The following EOGT variants were observed in gnomAD, a reference collection of about 807,000 sequenced individuals.
The protein encoded by EOGT is EGF domain specific O-linked N-acetylglucosamine transferase, also known as EGF domain-specific O-linked N-acetylglucosamine transferase.
A neutral mutation model predicts 70.5 loss-of-function variants in EOGT; 55 were observed. That is an observed-to-expected ratio of 0.78 (90% CI 0.63 to 0.98). EOGT has a LOEUF of 0.98. Ranked by LOEUF, EOGT falls within the 50% of genes least tolerant of loss-of-function variation. The pLI, the probability that EOGT is intolerant of heterozygous loss-of-function variation, is 0.00. For synonymous variants in EOGT, 246 were observed against 217.1 expected (o/e 1.13, Z -1.17); for missense variants, 703 against 641.9 (o/e 1.10, Z -1.03).
chr3:68,982,777 T>C (rs760081727), intron 15 of EOGT, 34 bp downstream of exon 15: 6 of 1,544,358 alleles, frequency 3.9e-6, no homozygotes, highest in South Asian at 2.4e-5. Flanking sequence ...CAAGCAAAAG[T>C]TGACAGTGTC....
At chr3:69,004,792 G>T (rs989146658) in intron 7 of EOGT, among the ~76,000 whole-genome samples, 3 of 151,988 alleles carry the variant, frequency 2.0e-5, no homozygotes, top group Non-Finnish European at 4.4e-5. Flanking sequence ...AGCAAGGCTT[G>T]GTGGCTCACA....
intron 8 of EOGT, among the ~76,000 whole-genome samples, chr3:69,004,074 G>A (rs938188420): frequency 7.2e-5 from 11 of 152,178 alleles, no homozygotes; most frequent in Middle Eastern, 3.2e-3. Flanking sequence ...TTAACATTAT[G>A]TAAGTAACCT....
At chr3:69,004,723 C>T (rs748531357) in intron 7 of EOGT, among the ~76,000 whole-genome samples, 2 of 152,062 alleles carry the variant, frequency 1.3e-5, no homozygotes, top group African/African-American at 4.8e-5. Flanking sequence ...TCCATCCCCC[C>T]ACCCATTCCC....
At chr3:68,992,663 C>A (rs2091028051) in intron 10 of EOGT, among the ~76,000 whole-genome samples, 1 of 152,214 alleles carries the variant, frequency 6.6e-6, no homozygotes, top group African/African-American at 2.4e-5. Flanking sequence ...CTAGGCAGCA[C>A]CCCACTAAGG....
At chr3:68,993,880 G>A (rs1220565539) in intron 10 of EOGT, among the ~76,000 whole-genome samples, 3 of 152,232 alleles carry the variant, frequency 2.0e-5, no homozygotes, top group East Asian at 1.9e-4. Flanking sequence ...CAGATCTCAT[G>A]AGACTTACTC....
intron 16 of EOGT, among the ~76,000 whole-genome samples, chr3:68,979,203 A>C (rs2090561396): frequency 6.6e-6 from 1 of 152,206 alleles, no homozygotes; most frequent in African/African-American, 2.4e-5. Flanking sequence ...CACTGAGTTA[A>C]AAGTATGCCC....
At chr3:68,998,331 G>T (rs2091208304) in intron 9 of EOGT, among the ~76,000 whole-genome samples, 1 of 152,086 alleles carries the variant, frequency 6.6e-6, no homozygotes, top group East Asian at 1.9e-4. Flanking sequence ...CTCTAAAATT[G>T]GTTATTTAAA....
chr3:68,992,889 C>T (rs1283561527), intron 10 of EOGT, among the ~76,000 whole-genome samples: 1 of 152,224 alleles, frequency 6.6e-6, no homozygotes, highest in African/African-American at 2.4e-5. Flanking sequence ...CTTGGGGCTT[C>T]CACCCTCTGA....
intron 10 of EOGT, among the ~76,000 whole-genome samples, chr3:68,997,530 G>A (rs2091184509): frequency 6.6e-6 from 1 of 152,050 alleles, no homozygotes; most frequent in South Asian, 2.1e-4. Context: ...CACCGTATCT[G>A]GCTAATTTTT....
chr3:68,992,257 T>A (rs1332218333), intron 10 of EOGT, among the ~76,000 whole-genome samples: 1 of 152,032 alleles, frequency 6.6e-6, no homozygotes, highest in Non-Finnish European at 1.5e-5. Flanking sequence ...CACCTATGAG[T>A]CTGTAAAAAC....
Position 68,978,507 on chromosome 3 carries a change from A to G in EOGT, c.1335-72T>C, listed in dbSNP as rs2090538509. ...TTTCCAAATCAACAACTCTGCGAAAATAAAATGCAGCTCCCAAATATGTCC... is the reference window on the plus strand; with the variant it reads ...TTTCCAAATCAACAACTCTGCGAAAGTAAAATGCAGCTCCCAAATATGTCC... On this transcript the variant is annotated intron_variant, in intron 16 of 17. Transcript: ENST00000383701. 9 of 1,015,610 alleles carry G rather than the reference A, an allele frequency of 8.9e-6. No homozygotes were observed. In the South Asian group the frequency reaches 1.2e-4, roughly 14 times the overall value. The allele number at this position is 1,015,610 out of a possible 1,614,324, so 62.9% of individuals were successfully genotyped here.
rs1254645484 is a variant in EOGT, at chr3:68,975,958, T to A, written c.*1660A>T. 6.6e-6 allele frequency: 1 copy of A among 152,218 alleles called. No individual in the cohort carries two copies. The highest frequency in any genetic ancestry group is 1.5e-5 in the Non-Finnish European group (1 of 68,028). 9.4% of individuals were successfully genotyped at this position (152,218 alleles called of 1,614,324 possible). On this transcript the variant is annotated 3_prime_UTR_variant, in exon 18 of 18. Coordinates refer to ENST00000383701, the MANE Select transcript of EOGT (RefSeq NM_001278689.2). ...TCTGTAATTTGTTACTCCATTATTT[T>A]AAAAAATAGAAGTAACTAGTCTCTA...
At chr3:68,978,459 C>T (rs570649924) in intron 16 of EOGT, 24 bp from the exon 17 acceptor site, 5 of 1,512,600 alleles carry the variant, frequency 3.3e-6, no homozygotes, top group Non-Finnish European at 4.5e-6. Flanking sequence ...GGTGTCACAA[C>T]ATGAGGCTTT....
Position 68,988,521 on chromosome 3 carries a change from G to A in EOGT, c.981C>T (p.Phe327=), listed in dbSNP as rs1189917801. The change falls in exon 12 of 18, where the codon TTC becomes TTT. Residue 327 remains phenylalanine (F), a synonymous_variant. Coordinates refer to ENST00000383701, the MANE Select transcript of EOGT (RefSeq NM_001278689.2). ...ATGTGCTTACCAGAGGAGTATTATAGAACAGCCCATACCTCATGCGGGGGA... is the reference window on the plus strand; with the variant it reads ...ATGTGCTTACCAGAGGAGTATTATAAAACAGCCCATACCTCATGCGGGGGA... ...SLLPRMRYGL[F]YNTPLISGCQ... The A allele has an allele frequency of 2.0e-6, 3 of 1,533,386 alleles. No homozygotes were observed. The highest frequency in any genetic ancestry group is 3.9e-5 in the Admixed American group (2 of 50,858). The allele number at this position is 1,533,386 out of a possible 1,614,324, so 95.0% of individuals were successfully genotyped here.
chr3:68,997,880 C>T, intron 10 of EOGT, 131 bp downstream of exon 10: 1 of 608,058 alleles, frequency 1.6e-6, no homozygotes, highest in Non-Finnish European at 2.9e-6. Context: ...TACATTCGCA[C>T]CCATCCGCAT....
chr3:68,985,538 C>T (rs1237442426), intron 14 of EOGT, among the ~76,000 whole-genome samples: 1 of 152,192 alleles, frequency 6.6e-6, no homozygotes, highest in African/African-American at 2.4e-5. Context: ...TCAAGTCACA[C>T]TTGATCCTTG....
chr3:68,997,897 CG>C, intron 10 of EOGT, 113 bp downstream of exon 10: 1 of 656,688 alleles, frequency 1.5e-6, no homozygotes, highest in Non-Finnish European at 2.7e-6. Flanking sequence ...GCATTATGTG[CG>C]GCTGTACATG....
Position 68,980,419 on chromosome 3 carries a change from AGT to A in EOGT, c.1215-634_1215-633del, listed in dbSNP as rs540294476. On this transcript the variant is annotated intron_variant, in intron 15 of 17. Coordinates refer to ENST00000383701, the MANE Select transcript of EOGT (RefSeq NM_001278689.2). Reference sequence around the variant, plus strand: ...ATTTTATGCATGTTAGGACTGTACAAGTGTTCTCTAAATCCAAGACACTAACC... The same window carrying A: ...ATTTTATGCATGTTAGGACTGTACAAGTTCTCTAAATCCAAGACACTAACC... Among the ~76,000 whole-genome samples, 280 of 152,314 alleles carry A rather than the reference AGT, an allele frequency of 1.8e-3. 4 individuals are homozygous for A. Among genetic ancestry groups the A allele is most frequent in the African/African-American group, 6.1e-3 (255 of 41,560 alleles).
rs1009060604 is a variant in EOGT at position 68,975,353 on chromosome 3, CAAAA to C, written c.*2261_*2264del. ...ACAATTTGAAGACCTTCTGTTCCCA[CAAAA>C]AGTCTCATAAAATTCCATAAAGTGT... On this transcript the variant is annotated 3_prime_UTR_variant, in exon 18 of 18. Transcript: ENST00000383701. 6.6e-6 allele frequency: 1 copy of C among 152,586 alleles called. No homozygotes were observed. Among genetic ancestry groups the C allele is most frequent in the African/African-American group, 2.4e-5 (1 of 41,448 alleles). The allele number at this position is 152,586 out of a possible 1,614,324, so 9.5% of individuals were successfully genotyped here. A position where few individuals can be genotyped will look rare whatever the true frequency, so the allele number is the denominator to read the frequency against.
Sources: allele counts gnomAD v4.1 joint callset (sites outside exome capture counted in the v4.1 genomes callset), GRCh38; gene constraint gnomAD v4.1.1; transcripts MANE v1.5; gene names NCBI Gene and HGNC (gene_info 2026-07-23, HGNC 2026-07-21).